Variants in SERPINA3 observed in about 807,000 individuals in gnomAD.
The protein encoded by SERPINA3 is serpin family A member 3, also known as alpha-1-antichymotrypsin.
In SERPINA3, 32 loss-of-function variants were observed where a neutral mutation model predicts 26.8. The ratio of observed to expected loss-of-function variants is 1.20; its 90% CI spans 0.90 to 1.61. The LOEUF (loss-of-function observed/expected upper bound fraction) is 1.61, where lower values mean the gene tolerates loss of function less well. Ranked by LOEUF, SERPINA3 falls within the 40% of genes most tolerant of loss-of-function variation. The probability of loss-of-function intolerance (pLI) is 0.00; values close to 1 mark genes in which losing one functional copy is unlikely to be tolerated. For synonymous variants in SERPINA3, 252 were observed against 206.4 expected (o/e 1.22, Z -1.89); for missense variants, 632 against 517.9 (o/e 1.22, Z -2.14).
chr14:94,615,771 C>A (rs1885972478), intron 2 of SERPINA3, among the ~76,000 whole-genome samples: 2 of 152,348 alleles, frequency 1.3e-5, no homozygotes, highest in South Asian at 4.1e-4. Flanking sequence ...CTAACTGGTC[C>A]AGTGCCCAAT....
chr14:94,617,737 C>A (rs1181038979), intron 2 of SERPINA3: 1 of 152,198 alleles, frequency 6.6e-6, no homozygotes, highest in Admixed American at 6.5e-5. Flanking sequence ...TACCAAGCAT[C>A]TCCTAAAACC....
chr14:94,619,181 T>C lies in SERPINA3; in HGVS notation c.644-14T>C. The C allele has an allele frequency of 6.2e-7, 1 of 1,614,012 alleles. No homozygotes were observed. The highest frequency in any genetic ancestry group is 1.3e-5 in the African/African-American group (1 of 75,028). On this transcript the variant is annotated splice_polypyrimidine_tract_variant and intron_variant, in intron 2 of 4. Transcript: ENST00000393078. ...TGCACTCACACCTTCTCCAACTGCT[T>C]GCTCCACCTTCAGCCAAATGGGAGA...
chr14:94,612,683 C>G (rs1885826680), intron 1 of SERPINA3, among the ~76,000 whole-genome samples: 1 of 152,160 alleles, frequency 6.6e-6, no homozygotes, highest in Admixed American at 6.5e-5. Context: ...TGCCCTGGGG[C>G]CTCTATGGTC....
rs1886023528 is a variant in SERPINA3 at position 94,616,832 on chromosome 14, C to A, written c.643+1748C>A. Among the ~76,000 whole-genome samples the A allele has an allele frequency of 2.0e-5, 3 of 152,222 alleles. No individual in the cohort carries two copies. The South Asian group carries it at 6.2e-4, about 32-fold the overall frequency. On this transcript the variant is annotated intron_variant, in intron 2 of 4. Transcript: ENST00000393078. ...ACACTAGACTAACCAGACATTCGGG[C>A]CCTCAGTTGAACAGCTGAGGATGTC...
chr14:94,614,359 G>T, intron 1 of SERPINA3, 75 bp from the exon 2 acceptor site: 3 of 1,478,646 alleles, frequency 2.0e-6, no homozygotes, highest in Non-Finnish European at 2.8e-6. Context: ...CAGGACGCAG[G>T]CTGGGTGGAG....
chr14:94,620,167 G>A (rs932300527), intron 3 of SERPINA3, among the ~76,000 whole-genome samples: 3 of 152,160 alleles, frequency 2.0e-5, no homozygotes, highest in Non-Finnish European at 4.4e-5. Context: ...TGATGTTTGA[G>A]CATCCATATA....
At chr14:94,623,576 T>C in intron 4 of SERPINA3, 35 bp from the exon 5 acceptor site, 4 of 1,602,306 alleles carry the variant, frequency 2.5e-6, no homozygotes, top group Non-Finnish European at 3.4e-6. Context: ...TGCGCATCTG[T>C]GTTTCCCGTG....
intron 3 of SERPINA3, chr14:94,619,796 G>A: frequency 2.4e-6 from 1 of 424,980 alleles, no homozygotes; most frequent in Non-Finnish European, 4.4e-6. Flanking sequence ...AAGGAATTGT[G>A]ATCAGTTGAG....
intron 2 of SERPINA3, chr14:94,615,571 A>G (rs371638364): frequency 2.5e-4 from 101 of 396,378 alleles, no homozygotes; most frequent in African/African-American, 1.9e-3. Context: ...GGCCATCTTC[A>G]CAGGGCAAGA....
At chr14:94,614,397 C>T (rs1327760317) in intron 1 of SERPINA3, 37 bp from the exon 2 acceptor site, 14 of 1,600,298 alleles carry the variant, frequency 8.7e-6, no homozygotes, top group Non-Finnish European at 1.2e-5. Flanking sequence ...GGGGCTCCAT[C>T]TGGCCCTCTG....
At position 94,622,476 on chromosome 14, in the gene SERPINA3, C is replaced by A; in HGVS notation, c.1053C>A (p.Asn351Lys). 1 of 1,614,152 alleles carries A rather than the reference C, an allele frequency of 6.2e-7. No homozygotes were observed. The highest frequency in any genetic ancestry group is 8.5e-7 in the Non-Finnish European group (1 of 1,180,022). The change falls in exon 4 of 5, where the codon AAC becomes AAA. Residue 351 changes from asparagine to lysine, a missense_variant. Physicochemically the swap from Asn to Lys is moderately conservative, Grantham distance 94. Coordinates refer to ENST00000393078, the MANE Select transcript of SERPINA3 (RefSeq NM_001085.5). ...ADLSGITGAR[N>K]LAVSQVVHKA... is the part of the protein sequence containing the mutation. ...TGTCAGGGATCACAGGGGCCAGGAA[C>A]CTAGCAGTCTCCCAGGTGAGTCTTT...
At position 94,618,998 on chromosome 14, in the gene SERPINA3, T is replaced by C. The variant is rs115263568; in HGVS notation, c.644-197T>C. On this transcript the variant is annotated intron_variant, in intron 2 of 4. Transcript: ENST00000393078. ...AGCACAAGGAACTAGGTCTTTCTTT[T>C]GTGGCCCTTTTCCCAATCCAAGCCT... The C allele has an allele frequency of 6.4e-3, 4,139 of 648,098 alleles. 133 individuals are homozygous for C. The African/African-American group carries it at 0.066, about 10-fold the overall frequency. The allele number at this position is 648,098 out of a possible 1,614,324, so 40.1% of individuals were successfully genotyped here. A position where few individuals can be genotyped will look rare whatever the true frequency, so the allele number is the denominator to read the frequency against.
intron 2 of SERPINA3, among the ~76,000 whole-genome samples, chr14:94,617,230 AT>A (rs1027481203): frequency 5.3e-5 from 8 of 152,190 alleles, no homozygotes; most frequent in African/African-American, 1.9e-4. Flanking sequence ...CTACCCTGAG[AT>A]GGGTCCTTTC....
chr14:94,623,550 C>A (rs1297787723), intron 4 of SERPINA3, 61 bp from the exon 5 acceptor site: 253 of 1,466,562 alleles, frequency 1.7e-4, no homozygotes, highest in East Asian at 4.8e-4. Context: ...GGCACACAGG[C>A]AGGTCGCTGA....
intron 4 of SERPINA3, among the ~76,000 whole-genome samples, chr14:94,622,944 ACT>A (rs1158529008): frequency 2.0e-5 from 3 of 152,184 alleles, no homozygotes; most frequent in Non-Finnish European, 4.4e-5. Flanking sequence ...TACTTGGGAC[ACT>A]CAGCCTGTGT....
intron 1 of SERPINA3, 43 bp downstream of exon 1, chr14:94,612,490 T>G (rs952797521): frequency 1.6e-6 from 2 of 1,258,736 alleles, no homozygotes; most frequent in African/African-American, 3.1e-5. Context: ...AGGAATCTGT[T>G]TTTCCAGGAG....
chr14:94,623,383 C>T (rs1308411139), intron 4 of SERPINA3, among the ~76,000 whole-genome samples: 3 of 152,164 alleles, frequency 2.0e-5, no homozygotes, highest in Non-Finnish European at 4.4e-5. Flanking sequence ...ACCTCGATGG[C>T]TCTGGGCAAA....
At chr14:94,623,553 G>A (rs1385491013) in intron 4 of SERPINA3, 58 bp from the exon 5 acceptor site, 1 of 1,521,418 alleles carries the variant, frequency 6.6e-7, no homozygotes, top group African/African-American at 1.4e-5. Flanking sequence ...ACACAGGCAG[G>A]TCGCTGAACT....
At position 94,622,505 on chromosome 14, in the gene SERPINA3, C is replaced by T. The variant is rs759443221; in HGVS notation, c.1068+14C>T. The T allele has an allele frequency of 6.2e-7, 1 of 1,613,848 alleles. No homozygotes were observed. Among genetic ancestry groups the T allele is most frequent in the Non-Finnish European group, 8.5e-7 (1 of 1,179,890 alleles). On this transcript the variant is annotated intron_variant, in intron 4 of 4. Coordinates refer to ENST00000393078, the MANE Select transcript of SERPINA3 (RefSeq NM_001085.5). ...GCAGTCTCCCAGGTGAGTCTTTAGA[C>T]TTGGGTCAATTCATCCTTTGTATCC... is the stretch of plus-strand genomic sequence containing the variant.
Sources: allele counts gnomAD v4.1 joint callset (sites outside exome capture counted in the v4.1 genomes callset), GRCh38; gene constraint gnomAD v4.1.1; transcripts MANE v1.5; gene names NCBI Gene and HGNC (gene_info 2026-07-23, HGNC 2026-07-21).